The following NLGN4Y variants were observed in gnomAD, a reference collection of about 807,000 sequenced individuals.
NLGN4Y encodes neuroligin-4, Y-linked.
NLGN4Y carries 4 observed loss-of-function variants against 8.4 expected under a neutral mutation model. That is an observed-to-expected ratio of 0.48 (90% confidence interval 0.23 to 1.09). NLGN4Y has a LOEUF of 1.09. NLGN4Y is among the 50% of genes least tolerant of loss of function. The pLI is 0.19. For synonymous variants in NLGN4Y, 35 were observed against 75.6 expected (o/e 0.46, Z 2.78); for missense variants, 90 against 192.3 (o/e 0.47, Z 3.15).
chrY:14,796,070 T>C (rs2043006679), intron 4 of NLGN4Y, among the ~76,000 whole-genome samples: 1 of 32,837 alleles, frequency 3.0e-5, no homozygotes, highest in African/African-American at 1.2e-4. Context: ...CCATATTAGA[T>C]CCATAGGGTG....
At chrY:14,688,299 G>A in intron 2 of NLGN4Y, among the ~76,000 whole-genome samples, 1 of 33,652 alleles carries the variant, frequency 3.0e-5, no homozygotes, top group East Asian at 7.9e-4. Flanking sequence ...GGTATCTAAA[G>A]TTATGAGGCT....
At chrY:14,575,671 T>G in intron 1 of NLGN4Y, among the ~76,000 whole-genome samples, 1 of 33,881 alleles carries the variant, frequency 3.0e-5, no homozygotes, top group Admixed American at 2.7e-4. Context: ...ACTCTGATTT[T>G]TAGAGTTTCC....
intron 4 of NLGN4Y, among the ~76,000 whole-genome samples, chrY:14,771,020 T>A (rs2081106523): frequency 3.2e-5 from 1 of 31,026 alleles, no homozygotes; most frequent in Non-Finnish European, 7.8e-5. Flanking sequence ...AGAAGGAAAA[T>A]GAATGAGCAA....
At chrY:14,760,471 C>G in intron 4 of NLGN4Y, among the ~76,000 whole-genome samples, 2 of 32,816 alleles carry the variant, frequency 6.1e-5, no homozygotes, top group Admixed American at 2.8e-4. Flanking sequence ...GAAGCGGGAA[C>G]TAAACTGCAT....
upstream of NLGN4Y, chrY:14,524,211 GC>G (rs2080082367): frequency 1.8e-5 from 1 of 55,927 alleles, no homozygotes; most frequent in Non-Finnish European, 3.9e-5. Context: ...CCTAGTCGGT[GC>G]CCACTAAGAA....
chrY:14,706,797 AAT>A (rs2080880091), intron 2 of NLGN4Y, among the ~76,000 whole-genome samples: 13 of 19,453 alleles, frequency 6.7e-4, no homozygotes, highest in African/African-American at 1.5e-3. Context: ...TTTAAAAAAA[AAT>A]ATATATATAT....
intron 1 of NLGN4Y, among the ~76,000 whole-genome samples, chrY:14,548,815 T>C (rs776981290): frequency 3.0e-5 from 1 of 33,560 alleles, no homozygotes; most frequent in South Asian, 6.7e-4. Flanking sequence ...TGCCTAATAA[T>C]TGAACTGACT....
chrY:14,599,468 AT>A (rs2080419375), intron 1 of NLGN4Y, among the ~76,000 whole-genome samples: 1 of 31,885 alleles, frequency 3.1e-5, no homozygotes, highest in African/African-American at 1.2e-4. Flanking sequence ...AGCTGATGAG[AT>A]GGTGCCTACC....
intron 1 of NLGN4Y, among the ~76,000 whole-genome samples, chrY:14,559,925 A>C (rs1024578253): frequency 3.0e-4 from 10 of 33,679 alleles, no homozygotes; most frequent in Non-Finnish European, 7.4e-4. Context: ...AGTGTACTGC[A>C]CATATTTGAA....
rs759159300 is a variant in NLGN4Y at position 14,534,179 on chromosome Y, C to A, written c.-112+9471C>A. Among the ~76,000 whole-genome samples the A allele has an allele frequency of 1.7e-3, 57 of 33,708 alleles. No individual in the cohort carries two copies. In the East Asian group the frequency reaches 0.038, roughly 23 times the overall value. The allele number at this position is 33,708 out of a possible 37,273, so 90.4% of individuals were successfully genotyped here. A position where few individuals can be genotyped will look rare whatever the true frequency, so the allele number is the denominator to read the frequency against. On this transcript the variant is annotated intron_variant, in intron 1 of 6. Coordinates refer to ENST00000684976, the MANE Select transcript of NLGN4Y (RefSeq NM_001365588.1). ...CCCTGAGGAATCTCCACACACTCTT[C>A]TGCAATGGTTGAACTGATTCATAGC... is the stretch of plus-strand genomic sequence containing the variant.
At chrY:14,717,391 A>G (rs2080919212) in intron 2 of NLGN4Y, among the ~76,000 whole-genome samples, 3 of 31,425 alleles carry the variant, frequency 9.5e-5, no homozygotes, top group Non-Finnish European at 2.3e-4. Flanking sequence ...GAGACTCCCT[A>G]TGGAAAAAAA....
chrY:14,712,263 G>T, intron 2 of NLGN4Y, among the ~76,000 whole-genome samples: 2 of 32,325 alleles, frequency 6.2e-5, no homozygotes, highest in Admixed American at 5.7e-4. Context: ...GAAGCCCATC[G>T]GTAAATGATC....
intron 4 of NLGN4Y, among the ~76,000 whole-genome samples, chrY:14,823,607 A>T: frequency 3.0e-5 from 1 of 33,729 alleles, no homozygotes; most frequent in Non-Finnish European, 7.3e-5. Flanking sequence ...TCATGTTATT[A>T]ATATTTTAGA....
At chrY:14,762,282 T>C in intron 4 of NLGN4Y, among the ~76,000 whole-genome samples, 1 of 34,653 alleles carries the variant, frequency 2.9e-5, no homozygotes, top group African/African-American at 1.1e-4. Context: ...ATTATAAAAA[T>C]CTTCTAAACC....
chrY:14,681,595 T>C, intron 2 of NLGN4Y, among the ~76,000 whole-genome samples: 1 of 34,061 alleles, frequency 2.9e-5, no homozygotes, highest in Non-Finnish European at 7.4e-5. Context: ...CACTCATAAA[T>C]GGTTTTAACG....
chrY:14,669,433 A>G, intron 2 of NLGN4Y, among the ~76,000 whole-genome samples: 1 of 33,739 alleles, frequency 3.0e-5, no homozygotes, highest in African/African-American at 1.1e-4. Context: ...ACTCGGCATT[A>G]TATATTCTTT....
At chrY:14,590,081 C>T (rs2080362261) in intron 1 of NLGN4Y, among the ~76,000 whole-genome samples, 1 of 34,422 alleles carries the variant, frequency 2.9e-5, no homozygotes, top group Non-Finnish European at 7.3e-5. Flanking sequence ...GCTCCGAGTG[C>T]GGGGCCCGCC....
At chrY:14,646,935 T>C in intron 2 of NLGN4Y, among the ~76,000 whole-genome samples, 1 of 34,235 alleles carries the variant, frequency 2.9e-5, no homozygotes, top group African/African-American at 1.1e-4. Context: ...TGTTGACTGC[T>C]GGAGTCCCAT....
At chrY:14,680,728 C>T in intron 2 of NLGN4Y, among the ~76,000 whole-genome samples, 1 of 33,061 alleles carries the variant, frequency 3.0e-5, no homozygotes, top group East Asian at 8.1e-4. Flanking sequence ...ATCATGGTGC[C>T]CATGTCTCCA....
Sources: gnomAD v4.1 joint callset for allele counts (sites outside exome capture counted in the v4.1 genomes callset) on GRCh38, gnomAD v4.1.1 for gene constraint, MANE v1.5 for transcripts, NCBI Gene and HGNC (gene_info 2026-07-23, HGNC 2026-07-21) for gene names.